The following PLPPR1 variants were observed in gnomAD, a reference collection of about 807,000 sequenced individuals.
PLPPR1 encodes the protein phospholipid phosphatase related 1, also known as phospholipid phosphatase-related protein type 1.
In PLPPR1, 10 loss-of-function variants were observed where a neutral mutation model predicts 33.1. That is an observed-to-expected ratio of 0.30 (90% CI 0.19 to 0.51). The LOEUF is 0.51. PLPPR1 is among the 20% of genes least tolerant of loss of function. The pLI is 0.97. For missense variants in PLPPR1, 304 were observed against 408.1 expected (o/e 0.74, Z 2.20); for synonymous variants, 151 against 151.0 (o/e 1.00, Z 0.00).
chr9:101,253,808 T>C (rs1242361595), intron 2 of PLPPR1, among the ~76,000 whole-genome samples: 1 of 152,130 alleles, frequency 6.6e-6, no homozygotes, highest in Non-Finnish European at 1.5e-5. Context: ...CATTTGATGA[T>C]TTGTCCTCAC....
chr9:101,173,208 G>A (rs768690954), intron 1 of PLPPR1, among the ~76,000 whole-genome samples: 4 of 152,090 alleles, frequency 2.6e-5, no homozygotes, highest in Non-Finnish European at 5.9e-5. Context: ...GTTATTTATA[G>A]TTTCTCTGCA....
intron 2 of PLPPR1, among the ~76,000 whole-genome samples, chr9:101,237,180 C>T (rs573615853): frequency 6.6e-6 from 1 of 151,544 alleles, no homozygotes; most frequent in Admixed American, 6.6e-5. Flanking sequence ...TAGATGTTGG[C>T]TAGGATGTGG....
chr9:101,228,764 TTAAA>T (rs1827124343), intron 2 of PLPPR1, among the ~76,000 whole-genome samples: 1 of 152,208 alleles, frequency 6.6e-6, no homozygotes, highest in East Asian at 1.9e-4. Flanking sequence ...TCTAAAACAG[TTAAA>T]TAGTGAATTT....
At chr9:101,074,148 G>A (rs547949500) in intron 1 of PLPPR1, among the ~76,000 whole-genome samples, 1 of 152,218 alleles carries the variant, frequency 6.6e-6, no homozygotes, top group East Asian at 1.9e-4. Context: ...ATCAGGAAAA[G>A]TGAACATGGC....
rs10560929 is a variant in PLPPR1, at chr9:101,324,224, ATT to A, written c.*184_*185del. On this transcript the variant is annotated 3_prime_UTR_variant, in exon 8 of 8. Transcript: ENST00000374874. ...TGAGGAAGTGATGTAGCTTGCCCTGATTTTTTTTTTTTTTTTTTGGTCAGCTT... is the reference window on the plus strand; with the variant it reads ...TGAGGAAGTGATGTAGCTTGCCCTGATTTTTTTTTTTTTTTTGGTCAGCTT... 20,999 of 349,708 alleles carry A rather than the reference ATT, an allele frequency of 0.06. 31 individuals carry two copies. Among genetic ancestry groups the A allele is most frequent in the East Asian group, 0.081 (1,898 of 23,364 alleles). 21.7% of individuals were successfully genotyped at this position (349,708 alleles called of 1,614,324 possible). A position where few individuals can be genotyped will look rare whatever the true frequency, so the allele number is the denominator to read the frequency against.
intron 4 of PLPPR1, among the ~76,000 whole-genome samples, chr9:101,292,953 A>G (rs1588114162): frequency 6.6e-6 from 1 of 151,962 alleles, no homozygotes. Flanking sequence ...CACACATAAC[A>G]ATATTAACTT....
intron 1 of PLPPR1, among the ~76,000 whole-genome samples, chr9:101,062,539 C>T (rs1830360001): frequency 6.6e-6 from 1 of 151,988 alleles, no homozygotes; most frequent in African/African-American, 2.4e-5. Flanking sequence ...ATAATCCTCA[C>T]ATATTTTAGT....
At chr9:101,278,880 A>G (rs1828245681) in intron 3 of PLPPR1, among the ~76,000 whole-genome samples, 1 of 152,212 alleles carries the variant, frequency 6.6e-6, no homozygotes, top group Admixed American at 6.5e-5. Flanking sequence ...CCACCCCTGT[A>G]GTGACCCTGC....
intron 5 of PLPPR1, among the ~76,000 whole-genome samples, chr9:101,311,036 A>G (rs1828944807): frequency 1.3e-5 from 2 of 152,316 alleles, no homozygotes; most frequent in East Asian, 1.9e-4. Context: ...AATTTTCAGA[A>G]TGTTGATTTT....
chr9:101,257,178 G>T (rs1827817939), intron 2 of PLPPR1, among the ~76,000 whole-genome samples: 1 of 151,956 alleles, frequency 6.6e-6, no homozygotes, highest in Non-Finnish European at 1.5e-5. Flanking sequence ...TTTAACCCAA[G>T]ATTTCACAAA....
intron 1 of PLPPR1, among the ~76,000 whole-genome samples, chr9:101,056,968 C>G (rs772775920): frequency 1.1e-4 from 16 of 152,110 alleles, no homozygotes; most frequent in Non-Finnish European, 2.1e-4. Context: ...CCAGGCTACT[C>G]ATTACTCAAC....
chr9:101,047,186 TGAG>T (rs1830162787), intron 1 of PLPPR1, among the ~76,000 whole-genome samples: 1 of 152,226 alleles, frequency 6.6e-6, no homozygotes, highest in Non-Finnish European at 1.5e-5. Flanking sequence ...ATTTTTACTC[TGAG>T]ATTCCCCTCC....
intron 1 of PLPPR1, among the ~76,000 whole-genome samples, chr9:101,108,112 C>T (rs942557710): frequency 6.6e-6 from 1 of 151,996 alleles, no homozygotes; most frequent in Admixed American, 6.5e-5. Context: ...CCGTCTTCTG[C>T]GTCGCTCACG....
At chr9:101,122,311 G>T (rs549972058) in intron 1 of PLPPR1, among the ~76,000 whole-genome samples, 28 of 151,892 alleles carry the variant, frequency 1.8e-4, no homozygotes, top group Non-Finnish European at 2.9e-4. Context: ...TTTTTCCTTC[G>T]TTTTACAAAT....
At chr9:101,273,616 GA>G (rs1564023732) in intron 3 of PLPPR1, among the ~76,000 whole-genome samples, 1 of 152,146 alleles carries the variant, frequency 6.6e-6, no homozygotes, top group African/African-American at 2.4e-5. Flanking sequence ...CATATCCTAA[GA>G]AGATACATTG....
At chr9:101,272,720 A>C (rs1828122646) in intron 3 of PLPPR1, among the ~76,000 whole-genome samples, 2 of 152,304 alleles carry the variant, frequency 1.3e-5, no homozygotes, top group South Asian at 4.1e-4. Flanking sequence ...AAGAAAAATC[A>C]TTTTTTAAAG....
At chr9:101,312,736 G>A in intron 5 of PLPPR1, 62 bp from the exon 6 acceptor site, 1 of 1,415,146 alleles carries the variant, frequency 7.1e-7, no homozygotes, top group South Asian at 1.2e-5. Context: ...CTGCTTGCTT[G>A]CATGTGTACT....
At chr9:101,044,760 A>T (rs1830124962) in intron 1 of PLPPR1, among the ~76,000 whole-genome samples, 1 of 152,194 alleles carries the variant, frequency 6.6e-6, no homozygotes, top group East Asian at 1.9e-4. Context: ...CTGAGGATAT[A>T]AATCACCCTA....
intron 1 of PLPPR1, among the ~76,000 whole-genome samples, chr9:101,150,455 A>T (rs1296651599): frequency 6.6e-6 from 1 of 152,202 alleles, no homozygotes; most frequent in Non-Finnish European, 1.5e-5. Flanking sequence ...ATATTTATGT[A>T]CAATGAAAGA....
Sources: gnomAD v4.1 joint callset for allele counts (sites outside exome capture counted in the v4.1 genomes callset) on GRCh38, gnomAD v4.1.1 for gene constraint, MANE v1.5 for transcripts, NCBI Gene and HGNC (gene_info 2026-07-23, HGNC 2026-07-21) for gene names.